SLC7A2: variants seen among roughly 807,000 people sequenced by gnomAD.
The protein encoded by SLC7A2 is cationic amino acid transporter 2.
A neutral mutation model predicts 58.9 loss-of-function variants in SLC7A2; 48 were observed. The ratio of observed to expected loss-of-function variants is 0.82; its 90% CI spans 0.65 to 1.04. The LOEUF (loss-of-function observed/expected upper bound fraction) is 1.04. Among genes scored for constraint, SLC7A2 ranks in the 50% least tolerant of loss-of-function variants. SLC7A2 has a pLI of 0.00. For missense variants in SLC7A2, 1,029 were observed against 818.8 expected (o/e 1.26, Z -3.13); for synonymous variants, 363 against 314.5 (o/e 1.15, Z -1.63).
rs1407048724 is a variant in SLC7A2 at position 17,567,337 on chromosome 8, A to T, written c.*2191A>T. ...CACTCAAATCTTTTACTGTAACGAA[A>T]CCAAGAAACTTGTTTAGAATGTGAT... On this transcript the variant is annotated 3_prime_UTR_variant, in exon 13 of 13. Transcript: ENST00000494857. 6.6e-6 allele frequency: 1 copy of T among 152,562 alleles called. No homozygotes were observed. Among genetic ancestry groups the T allele is most frequent in the Non-Finnish European group, 1.5e-5 (1 of 68,044 alleles). The allele number at this position is 152,562 out of a possible 1,614,324, so 9.5% of individuals were successfully genotyped here.
chr8:17,501,948 C>T (rs34719327), intron 1 of SLC7A2, among the ~76,000 whole-genome samples: 1 of 151,340 alleles, frequency 6.6e-6, no homozygotes, highest in Non-Finnish European at 1.5e-5. Context: ...CAATACACAA[C>T]AAAGAATTTG....
chr8:17,537,588 G>A (rs144009335), intron 2 of SLC7A2, among the ~76,000 whole-genome samples: 3 of 152,306 alleles, frequency 2.0e-5, no homozygotes, highest in Non-Finnish European at 4.4e-5. Flanking sequence ...GCTGTGGGGA[G>A]GGCAGGAGGC....
intron 5 of SLC7A2, 137 bp downstream of exon 5, chr8:17,548,980 G>C (rs968257737): frequency 1.7e-5 from 13 of 751,684 alleles, no homozygotes; most frequent in Non-Finnish European, 2.8e-5. Context: ...AGATTTAATG[G>C]ACTCACAGTT....
chr8:17,506,683 A>G (rs1417700324), intron 2 of SLC7A2, among the ~76,000 whole-genome samples: 7 of 152,226 alleles, frequency 4.6e-5, no homozygotes, highest in Non-Finnish European at 8.8e-5. Flanking sequence ...CTGGAGTCCA[A>G]GCATATTGAA....
intron 2 of SLC7A2, among the ~76,000 whole-genome samples, chr8:17,532,095 G>C (rs1020511345): frequency 5.9e-5 from 9 of 151,682 alleles, no homozygotes; most frequent in Admixed American, 1.3e-4. Context: ...GCCAGGTGTG[G>C]TGGCGGTGCC....
At chr8:17,512,029 CAT>C (rs1800623131) in intron 2 of SLC7A2, among the ~76,000 whole-genome samples, 2 of 152,186 alleles carry the variant, frequency 1.3e-5, no homozygotes, top group African/African-American at 4.8e-5. Flanking sequence ...TCTTTTAAGA[CAT>C]AGTTGTTCAG....
intron 2 of SLC7A2, among the ~76,000 whole-genome samples, chr8:17,526,807 C>G (rs1037022182): frequency 6.6e-6 from 1 of 152,072 alleles, no homozygotes; most frequent in African/African-American, 2.4e-5. Context: ...CACGTTATGC[C>G]TAACGAACTG....
chr8:17,495,468 C>T (rs775380800), upstream of SLC7A2, among the ~76,000 whole-genome samples: 1 of 152,192 alleles, frequency 6.6e-6, no homozygotes, highest in Non-Finnish European at 1.5e-5. Context: ...TTTACTTTGA[C>T]AGTCTCTATT....
chr8:17,535,979 C>A (rs904650659), intron 2 of SLC7A2, among the ~76,000 whole-genome samples: 1 of 152,102 alleles, frequency 6.6e-6, no homozygotes, highest in African/African-American at 2.4e-5. Context: ...GTAGAGACTT[C>A]TCTGATTCAG....
intron 1 of SLC7A2, among the ~76,000 whole-genome samples, chr8:17,500,799 TACACAC>T (rs60002166): frequency 0.037 from 5,386 of 146,028 alleles, 117 homozygotes; most frequent in African/African-American, 0.058. Context: ...AACACACACA[TACACAC>T]ACACACACAC....
chr8:17,533,795 A>T (rs1262973025), intron 2 of SLC7A2, among the ~76,000 whole-genome samples: 2 of 152,206 alleles, frequency 1.3e-5, no homozygotes, highest in African/African-American at 4.8e-5. Flanking sequence ...CATGTGCAGG[A>T]CGTGCAGGTT....
intron 2 of SLC7A2, among the ~76,000 whole-genome samples, chr8:17,509,895 A>G (rs1023074742): frequency 5.9e-5 from 9 of 152,072 alleles, no homozygotes; most frequent in Middle Eastern, 3.4e-3. Context: ...AACTGTATCT[A>G]CCTATTTTTC....
chr8:17,560,306 A>T, intron 9 of SLC7A2, 22 bp from the exon 10 acceptor site: 1 of 1,591,758 alleles, frequency 6.3e-7, no homozygotes, highest in Non-Finnish European at 8.6e-7. Context: ...GAATAAAGAC[A>T]TAGATGTTTG....
chr8:17,496,515 C>G (rs1245574428), upstream of SLC7A2, among the ~76,000 whole-genome samples: 1 of 152,122 alleles, frequency 6.6e-6, no homozygotes, highest in Non-Finnish European at 1.5e-5. Context: ...CTCTTGCTCC[C>G]CTGGAAATAA....
At chr8:17,526,882 G>T (rs1281234646) in intron 2 of SLC7A2, among the ~76,000 whole-genome samples, 6 of 152,160 alleles carry the variant, frequency 3.9e-5, no homozygotes, top group African/African-American at 1.4e-4. Flanking sequence ...AATGTATTAG[G>T]ATTTCAGCAA....
At chr8:17,560,287 T>A (rs1289548360) in intron 9 of SLC7A2, 41 bp from the exon 10 acceptor site, 1 of 1,521,100 alleles carries the variant, frequency 6.6e-7, no homozygotes, top group African/African-American at 1.4e-5. Flanking sequence ...GGGCCAAATG[T>A]CTATTTGAGA....
At position 17,554,631 on chromosome 8, in the gene SLC7A2, G is replaced by C. The variant is rs1134975; in HGVS notation, c.1127G>C (p.Cys376Ser). The C allele has an allele frequency of 0.012, 18,678 of 1,613,488 alleles. 2,001 individuals carry two copies. The East Asian group carries it at 0.29, about 25-fold the overall frequency. ...AMAEDGLLFKCLAQINSKTKT... is the reference protein window; with the variant it reads ...AMAEDGLLFKSLAQINSKTKT... The stretch of plus-strand genomic sequence containing the variant: ...GCGGAGGATGGGTTGCTTTTCAAAT[G>C]TCTAGCTCAAATCAATTCCAAAACG... The change falls in exon 8 of 13, where the codon TGT (cysteine) becomes TCT (serine). Residue 376 changes from cysteine (C) to serine (S), a missense_variant. By Grantham distance (112) the Cys-to-Ser change is moderately radical (BLOSUM62 -1). Coordinates refer to ENST00000494857, the MANE Select transcript of SLC7A2 (RefSeq NM_001370338.1).
intron 3 of SLC7A2, 50 bp from the exon 4 acceptor site, chr8:17,544,401 A>G (rs777684167): frequency 1.9e-6 from 3 of 1,547,128 alleles, no homozygotes; most frequent in Admixed American, 1.8e-5. Context: ...AAATGATGCT[A>G]CTTTAATTTG....
In SLC7A2 at chr8:17,555,273, C is replaced by T. The variant is rs571383312; in HGVS notation, c.1195+574C>T. On this transcript the variant is annotated intron_variant, in intron 8 of 12. Transcript: ENST00000494857. The stretch of plus-strand genomic sequence containing the variant: ...TGGCGGTGGTATAATGAAGTTCATT[C>T]TTAATTGACCCTTTGGGATTTTTTT... Among the ~76,000 whole-genome samples the T allele has an allele frequency of 4.6e-5, 7 of 152,046 alleles. No individual in the cohort carries two copies. In the South Asian group the frequency reaches 1.5e-3, roughly 32 times the overall value.
Sources: gnomAD v4.1 joint callset for allele counts (sites outside exome capture counted in the v4.1 genomes callset) on GRCh38, gnomAD v4.1.1 for gene constraint, MANE v1.5 for transcripts, NCBI Gene and HGNC (gene_info 2026-07-23, HGNC 2026-07-21) for gene names.